PCDHA2: variants seen among roughly 807,000 people sequenced by gnomAD.
PCDHA2 encodes the protein protocadherin alpha 2, also known as protocadherin alpha-2.
PCDHA2 carries 58 observed loss-of-function variants against 66.0 expected under a neutral mutation model. That is an observed-to-expected ratio of 0.88 (90% CI 0.71 to 1.09). The LOEUF is 1.09. Ranked by LOEUF, PCDHA2 falls within the 50% of genes least tolerant of loss-of-function variation. PCDHA2 has a pLI of 0.00. For missense variants in PCDHA2, 1,267 were observed against 1,242.3 expected (o/e 1.02, Z -0.30); for synonymous variants, 634 against 554.0 (o/e 1.14, Z -2.03).
intron 1 of PCDHA2, chr5:140,868,490 A>G (rs1383994336): frequency 6.6e-6 from 1 of 152,330 alleles, no homozygotes; most frequent in African/African-American, 2.4e-5. Flanking sequence ...TTTTTCTTTG[A>G]GTTCCCTAGC....
intron 1 of PCDHA2, chr5:140,847,666 C>T (rs1419197833): frequency 6.7e-6 from 1 of 149,608 alleles, no homozygotes; most frequent in African/African-American, 2.4e-5. Flanking sequence ...GATTATAAAG[C>T]TTGGAAAGAA....
At chr5:140,942,754 A>C (rs1157116096) in intron 1 of PCDHA2, among the ~76,000 whole-genome samples, 1 of 152,212 alleles carries the variant, frequency 6.6e-6, no homozygotes, top group African/African-American at 2.4e-5. Context: ...TGTATAAATG[A>C]GATGGCATAA....
intron 1 of PCDHA2, chr5:140,848,428 C>G: frequency 6.9e-7 from 1 of 1,450,064 alleles, no homozygotes; most frequent in Middle Eastern, 1.8e-4. Flanking sequence ...ATGGGACTGA[C>G]GAAATCAGAT....
chr5:140,869,918 G>A, intron 1 of PCDHA2: 1 of 1,611,272 alleles, frequency 6.2e-7, no homozygotes. Context: ...CGAGACGAAG[G>A]AGTCAATGGA....
chr5:140,858,809 A>G (rs2045602165), intron 1 of PCDHA2: 1 of 352,582 alleles, frequency 2.8e-6, no homozygotes, highest in African/African-American at 2.2e-5. Flanking sequence ...CTAAATTTTG[A>G]TTTGATTGTA....
intron 1 of PCDHA2, among the ~76,000 whole-genome samples, chr5:140,894,199 GC>G (rs2064359112): frequency 6.6e-6 from 1 of 151,732 alleles, no homozygotes; most frequent in Admixed American, 6.6e-5. Context: ...TTTTTTCTAT[GC>G]TATTATATTC....
intron 1 of PCDHA2, chr5:140,836,045 C>G: frequency 1.2e-6 from 2 of 1,613,320 alleles, no homozygotes; most frequent in South Asian, 1.1e-5. Flanking sequence ...TGCAGGTGTT[C>G]GTGCTGGACG....
At chr5:140,926,749 G>C (rs541261946) in intron 1 of PCDHA2, 4 of 1,237,260 alleles carry the variant, frequency 3.2e-6, no homozygotes, top group Non-Finnish European at 3.1e-6. Context: ...CAACGTCGGC[G>C]GTCGCTGAGT....
chr5:140,968,272 A>G (rs369285531), intron 1 of PCDHA2: 1 of 1,613,936 alleles, frequency 6.2e-7, no homozygotes, highest in African/African-American at 1.3e-5. Context: ...AGGAGAATGC[A>G]GAGGTGACCT....
chr5:140,927,172 G>C (rs782548172), intron 1 of PCDHA2: 2 of 1,614,034 alleles, frequency 1.2e-6, no homozygotes, highest in African/African-American at 2.7e-5. Flanking sequence ...AGCTGCCTGC[G>C]TCTTGACCTA....
At chr5:141,005,228 C>G (rs974482410) in intron 3 of PCDHA2, among the ~76,000 whole-genome samples, 11 of 152,182 alleles carry the variant, frequency 7.2e-5, no homozygotes, top group Admixed American at 2.0e-4. Flanking sequence ...TACTAAACAC[C>G]TGTTATGGGC....
intron 1 of PCDHA2, chr5:140,808,871 G>A: frequency 3.7e-6 from 6 of 1,613,166 alleles, no homozygotes; most frequent in Non-Finnish European, 5.1e-6. Flanking sequence ...AAACGACAAC[G>A]CGCCAGCACT....
chr5:140,880,449 T>G (rs2058348423), intron 1 of PCDHA2, among the ~76,000 whole-genome samples: 1 of 152,024 alleles, frequency 6.6e-6, no homozygotes. Flanking sequence ...TAGTAGAAAA[T>G]GAAAACAGAT....
At chr5:140,813,459 G>C (rs1173620168) in intron 1 of PCDHA2, 4 of 152,178 alleles carry the variant, frequency 2.6e-5, no homozygotes, top group Non-Finnish European at 4.4e-5. Flanking sequence ...ACAATGGTAA[G>C]TATTTGTATA....
chr5:140,897,671 C>T (rs1329195952), intron 1 of PCDHA2, among the ~76,000 whole-genome samples: 1 of 152,066 alleles, frequency 6.6e-6, no homozygotes, highest in Non-Finnish European at 1.5e-5. Flanking sequence ...GTCTTTATAG[C>T]AGCATGATTT....
chr5:141,010,374 C>A lies in PCDHA2; in HGVS notation c.*437C>A. 2 of 1,459,768 alleles carry A rather than the reference C, an allele frequency of 1.4e-6. No homozygotes were observed. Among genetic ancestry groups the A allele is most frequent in the South Asian group, 1.4e-5 (1 of 73,044 alleles). 90.4% of individuals were successfully genotyped at this position (1,459,768 alleles called of 1,614,324 possible). On this transcript the variant is annotated 3_prime_UTR_variant, in exon 4 of 4. Coordinates refer to ENST00000526136, the MANE Select transcript of PCDHA2 (RefSeq NM_018905.3). ...TGTGGCTACCGCGGGTATGCGAGTG[C>A]CAGATATTGGCTGAGACGAGCCAGC...
At chr5:140,968,133 A>C in intron 1 of PCDHA2, 6 of 1,614,140 alleles carry the variant, frequency 3.7e-6, no homozygotes, top group Non-Finnish European at 5.1e-6. Context: ...CGTACACTGA[A>C]GGTTGAGATC....
At chr5:140,967,138 G>A in intron 1 of PCDHA2, 1 of 1,611,568 alleles carries the variant, frequency 6.2e-7, no homozygotes, top group Middle Eastern at 1.7e-4. Flanking sequence ...TGGAAGTGCT[G>A]GCGCACAACC....
intron 1 of PCDHA2, chr5:140,821,859 C>A: frequency 6.2e-7 from 1 of 1,614,192 alleles, no homozygotes; most frequent in Non-Finnish European, 8.5e-7. Flanking sequence ...CAGGGAGCGG[C>A]CAGCTCCACT....
Sources: allele counts gnomAD v4.1 joint callset (sites outside exome capture counted in the v4.1 genomes callset), GRCh38; gene constraint gnomAD v4.1.1; transcripts MANE v1.5; gene names NCBI Gene and HGNC (gene_info 2026-07-23, HGNC 2026-07-21).